The following SFRP1 variants were observed in gnomAD, a reference collection of about 807,000 sequenced individuals.
SFRP1 encodes the protein secreted frizzled related protein 1, also known as secreted frizzled-related protein 1.
SFRP1 carries 9 observed loss-of-function variants against 25.9 expected under a neutral mutation model. The ratio of observed to expected loss-of-function variants is 0.35; its 90% CI spans 0.21 to 0.61. The LOEUF (loss-of-function observed/expected upper bound fraction) is 0.61, where lower values mean the gene tolerates loss of function less well. Among genes scored for constraint, SFRP1 ranks in the 20% least tolerant of loss-of-function variants. The pLI, the probability that SFRP1 is intolerant of heterozygous loss-of-function variation, is 0.78. For synonymous variants in SFRP1, 178 were observed against 174.0 expected, an observed-to-expected ratio of 1.02 and a Z score of -0.18; for missense variants, 346 against 418.2, an observed-to-expected ratio of 0.83 and a Z score of 1.51.
chr8:41,305,478 T>G (rs765967873), intron 1 of SFRP1, among the ~76,000 whole-genome samples: 3 of 152,136 alleles, frequency 2.0e-5, no homozygotes, highest in Non-Finnish European at 2.9e-5. Context: ...CTATCTCAGC[T>G]TTTCTAACGG....
intron 2 of SFRP1, among the ~76,000 whole-genome samples, chr8:41,270,829 A>AG (rs1803495580): frequency 1.3e-5 from 2 of 151,620 alleles, no homozygotes; most frequent in African/African-American, 4.8e-5. Context: ...CTCAAAAAAA[A>AG]AAAAAGAAAA....
At chr8:41,289,773 G>A (rs1803752953) in intron 2 of SFRP1, among the ~76,000 whole-genome samples, 1 of 152,244 alleles carries the variant, frequency 6.6e-6, no homozygotes, top group South Asian at 2.1e-4. Context: ...GACCATAGGA[G>A]TGTTCCCCAA....
chr8:41,308,550 T>C (rs1585525091), intron 1 of SFRP1, 66 bp downstream of exon 1: 10 of 1,326,984 alleles, frequency 7.5e-6, no homozygotes, highest in Non-Finnish European at 1.0e-5. Flanking sequence ...GTGGCGCGGG[T>C]TCTCCTGCAG....
intron 2 of SFRP1, chr8:41,275,206 C>G (rs751322370): frequency 8.9e-6 from 4 of 451,278 alleles, no homozygotes; most frequent in Non-Finnish European, 1.3e-5. Context: ...CCCTGCTTCC[C>G]TACCCAGAGC....
At chr8:41,273,759 C>T (rs1230256912) in intron 2 of SFRP1, among the ~76,000 whole-genome samples, 1 of 152,078 alleles carries the variant, frequency 6.6e-6, no homozygotes, top group Non-Finnish European at 1.5e-5. Flanking sequence ...TAGGTGTCAG[C>T]TTGGATTGAG....
intron 2 of SFRP1, among the ~76,000 whole-genome samples, chr8:41,302,399 A>G (rs771950909): frequency 1.3e-5 from 2 of 152,252 alleles, no homozygotes; most frequent in Non-Finnish European, 2.9e-5. Flanking sequence ...GGGCAGGAAC[A>G]AGACCCTTCC....
At chr8:41,281,346 G>C (rs1490705229) in intron 2 of SFRP1, among the ~76,000 whole-genome samples, 2 of 152,246 alleles carry the variant, frequency 1.3e-5, no homozygotes, top group African/African-American at 4.8e-5. Context: ...TTTGCCAGTG[G>C]AGTGGGAGTG....
chr8:41,276,815 C>T (rs1451575466), intron 2 of SFRP1: 13 of 378,310 alleles, frequency 3.4e-5, no homozygotes, highest in Admixed American at 3.2e-4. Context: ...TTTTCTGGAC[C>T]CCAGACACCT....
intron 2 of SFRP1, among the ~76,000 whole-genome samples, chr8:41,301,550 GCA>G (rs1247963228): frequency 6.6e-6 from 1 of 152,196 alleles, no homozygotes; most frequent in Non-Finnish European, 1.5e-5. Flanking sequence ...TACACCATAC[GCA>G]CACTAAGGAG....
chr8:41,294,243 C>T (rs1229964870), intron 2 of SFRP1, among the ~76,000 whole-genome samples: 1 of 152,186 alleles, frequency 6.6e-6, no homozygotes, highest in East Asian at 1.9e-4. Context: ...TATCCAGGCT[C>T]GTTTCTAGCT....
intron 2 of SFRP1, among the ~76,000 whole-genome samples, chr8:41,293,838 A>T (rs2117508699): frequency 6.6e-6 from 1 of 152,140 alleles, no homozygotes; most frequent in African/African-American, 2.4e-5. Flanking sequence ...AGTGGCCTGA[A>T]CACAGCTCAC....
intron 2 of SFRP1, among the ~76,000 whole-genome samples, chr8:41,302,242 G>A (rs1040793386): frequency 7.9e-5 from 12 of 152,044 alleles, no homozygotes; most frequent in African/African-American, 2.7e-4. Flanking sequence ...AACAGGATAC[G>A]CGCTCTCCAG....
At chr8:41,300,794 T>C (rs971172350) in intron 2 of SFRP1, among the ~76,000 whole-genome samples, 2 of 152,200 alleles carry the variant, frequency 1.3e-5, no homozygotes, top group East Asian at 1.9e-4. Context: ...TGCAAGCTGA[T>C]GGAAGCCAGC....
chr8:41,294,186 G>A (rs1389435387), intron 2 of SFRP1, among the ~76,000 whole-genome samples: 1 of 152,148 alleles, frequency 6.6e-6, no homozygotes, highest in African/African-American at 2.4e-5. Flanking sequence ...TACCACAGGA[G>A]GGAATGCGCT....
At chr8:41,285,632 A>G (rs1242187050) in intron 2 of SFRP1, among the ~76,000 whole-genome samples, 1 of 152,172 alleles carries the variant, frequency 6.6e-6, no homozygotes. Flanking sequence ...CACTTTTCCC[A>G]GGACCACAGT....
chr8:41,302,108 T>C (rs915417073), intron 2 of SFRP1, among the ~76,000 whole-genome samples: 1 of 152,228 alleles, frequency 6.6e-6, no homozygotes, highest in Non-Finnish European at 1.5e-5. Context: ...TCTGTATCTA[T>C]AGAACTCAGA....
At chr8:41,292,709 C>T (rs1803793096) in intron 2 of SFRP1, among the ~76,000 whole-genome samples, 1 of 152,166 alleles carries the variant, frequency 6.6e-6, no homozygotes, top group Non-Finnish European at 1.5e-5. Context: ...TTCTAGTCAA[C>T]AGATGTGGTA....
chr8:41,309,370 C>T lies in SFRP1; in HGVS notation c.-211G>A. The T allele has an allele frequency of 3.0e-6, 1 of 338,728 alleles. No individual in the cohort carries two copies. Among genetic ancestry groups the T allele is most frequent in the Non-Finnish European group, 4.6e-6 (1 of 218,028 alleles). The allele number at this position is 338,728 out of a possible 1,614,324, so 21.0% of individuals were successfully genotyped here. On this transcript the variant is annotated 5_prime_UTR_variant, in exon 1 of 3. Coordinates refer to ENST00000220772, the MANE Select transcript of SFRP1 (RefSeq NM_003012.5). ...AGGCGGCGCGGGCGGGGAGGCGGCG[C>T]TGCGGGCTGGGTGCGCCCCGGCTCC...
intron 1 of SFRP1, among the ~76,000 whole-genome samples, chr8:41,304,734 G>T (rs1803972358): frequency 6.6e-6 from 1 of 152,076 alleles, no homozygotes; most frequent in Non-Finnish European, 1.5e-5. Flanking sequence ...GAGGGGACCT[G>T]CAGAGCACCC....
Sources: gnomAD v4.1 joint callset for allele counts (sites outside exome capture counted in the v4.1 genomes callset) on GRCh38, gnomAD v4.1.1 for gene constraint, MANE v1.5 for transcripts, NCBI Gene and HGNC (gene_info 2026-07-23, HGNC 2026-07-21) for gene names.